The following SPOCK1 variants were observed in gnomAD, a reference collection of about 807,000 sequenced individuals.
The protein encoded by SPOCK1 is testican-1.
SPOCK1 carries 23 observed loss-of-function variants against 55.3 expected under a neutral mutation model. That is an observed-to-expected ratio of 0.42 (90% CI 0.30 to 0.59). The LOEUF is 0.59. SPOCK1 is among the 20% of genes least tolerant of loss of function. SPOCK1 has a pLI of 0.22. For synonymous variants in SPOCK1, 226 were observed against 221.0 expected (o/e 1.02, Z -0.20); for missense variants, 499 against 552.5 (o/e 0.90, Z 0.97).
At chr5:137,451,405 C>T (rs1753252626) in intron 2 of SPOCK1, among the ~76,000 whole-genome samples, 1 of 152,208 alleles carries the variant, frequency 6.6e-6, no homozygotes, top group Non-Finnish European at 1.5e-5. Flanking sequence ...AATCACAGTG[C>T]TATTTACAAT....
chr5:137,442,313 T>G (rs1402204598), intron 2 of SPOCK1, among the ~76,000 whole-genome samples: 1 of 152,212 alleles, frequency 6.6e-6, no homozygotes, highest in Non-Finnish European at 1.5e-5. Flanking sequence ...AAGGAGGCTC[T>G]GACTTGGATA....
chr5:137,491,671 C>A (rs1383227375), intron 2 of SPOCK1, among the ~76,000 whole-genome samples: 2 of 152,234 alleles, frequency 1.3e-5, no homozygotes, highest in East Asian at 3.9e-4. Context: ...TATGTGTGAC[C>A]CTGAGAATTT....
intron 5 of SPOCK1, among the ~76,000 whole-genome samples, chr5:137,071,617 C>T (rs989788649): frequency 6.6e-6 from 1 of 152,136 alleles, no homozygotes; most frequent in Non-Finnish European, 1.5e-5. Flanking sequence ...TGTTTATAGG[C>T]TCCTATGGAG....
chr5:137,443,686 C>G (rs1422465880), intron 2 of SPOCK1, among the ~76,000 whole-genome samples: 2 of 152,202 alleles, frequency 1.3e-5, no homozygotes, highest in Admixed American at 1.3e-4. Context: ...CCTCTCCAGA[C>G]AGCCATGGGT....
At chr5:137,093,598 AT>A (rs1472575770) in intron 5 of SPOCK1, among the ~76,000 whole-genome samples, 1 of 152,188 alleles carries the variant, frequency 6.6e-6, no homozygotes, top group Non-Finnish European at 1.5e-5. Context: ...CCAGAAAGTA[AT>A]GAGGGGAAGA....
At chr5:137,260,922 T>C (rs1756732916) in intron 3 of SPOCK1, among the ~76,000 whole-genome samples, 1 of 152,154 alleles carries the variant, frequency 6.6e-6, no homozygotes, top group South Asian at 2.1e-4. Context: ...CAGGTTAATG[T>C]GAATAAGATG....
intron 2 of SPOCK1, among the ~76,000 whole-genome samples, chr5:137,445,320 T>C (rs1753100843): frequency 6.6e-6 from 1 of 152,222 alleles, no homozygotes; most frequent in African/African-American, 2.4e-5. Context: ...AAAATGCTAT[T>C]CACATTGCAT....
At chr5:137,411,872 C>A (rs1752214486) in intron 2 of SPOCK1, among the ~76,000 whole-genome samples, 1 of 151,936 alleles carries the variant, frequency 6.6e-6, no homozygotes, top group East Asian at 1.9e-4. Context: ...ATTTAAAAAT[C>A]TATTTAGACC....
intron 2 of SPOCK1, among the ~76,000 whole-genome samples, chr5:137,302,624 A>C (rs1026428479): frequency 5.7e-5 from 8 of 140,266 alleles, no homozygotes; most frequent in African/African-American, 1.6e-4. Context: ...ATAAATAAAT[A>C]AATCAGTTTT....
Position 137,158,059 on chromosome 5 carries a change from T to TC in SPOCK1, c.233-17366dup, listed in dbSNP as rs924520538. On this transcript the variant is annotated intron_variant, in intron 3 of 10. Coordinates refer to ENST00000394945, the MANE Select transcript of SPOCK1 (RefSeq NM_004598.4). ...CCTAGGCAGCAAGAGGGAGACTCCA[T>TC]CCCCCCAAAAAAAAGAAAACTTGCC... Among the ~76,000 whole-genome samples the TC allele has an allele frequency of 2.0e-5, 3 of 152,000 alleles. No homozygotes were observed. The South Asian group carries it at 6.2e-4, about 32-fold the overall frequency.
chr5:137,122,251 A>ACACGCGCG (rs1191010455), intron 4 of SPOCK1, among the ~76,000 whole-genome samples: 2 of 114,744 alleles, frequency 1.7e-5, no homozygotes, highest in African/African-American at 8.8e-5. Flanking sequence ...ACACACACAC[A>ACACGCGCG]CACACGCACA....
intron 2 of SPOCK1, among the ~76,000 whole-genome samples, chr5:137,294,895 G>T (rs1248894994): frequency 1.3e-5 from 2 of 152,180 alleles, no homozygotes; most frequent in East Asian, 3.9e-4. Flanking sequence ...CTGCCCAGCT[G>T]CCCTTTACAA....
chr5:137,335,036 G>C (rs1750217625), intron 2 of SPOCK1, among the ~76,000 whole-genome samples: 2 of 152,330 alleles, frequency 1.3e-5, no homozygotes, highest in South Asian at 4.1e-4. Context: ...ACAGAAGGCG[G>C]ACCAGCAGTT....
chr5:137,064,150 T>C (rs1048135303), intron 6 of SPOCK1, among the ~76,000 whole-genome samples: 3 of 151,746 alleles, frequency 2.0e-5, no homozygotes, highest in African/African-American at 7.3e-5. Context: ...AAGAACTCCA[T>C]CCAAGGGGAT....
intron 2 of SPOCK1, among the ~76,000 whole-genome samples, chr5:137,338,577 C>T (rs1408574854): frequency 2.6e-5 from 4 of 151,818 alleles, no homozygotes; most frequent in African/African-American, 9.7e-5. Flanking sequence ...AGTTCTAGAT[C>T]CCTGAGGAAT....
At chr5:137,485,508 T>C (rs1292629375) in intron 2 of SPOCK1, among the ~76,000 whole-genome samples, 1 of 152,206 alleles carries the variant, frequency 6.6e-6, no homozygotes, top group East Asian at 1.9e-4. Context: ...GTTAACTGCA[T>C]CTCTTTAAGT....
intron 2 of SPOCK1, among the ~76,000 whole-genome samples, chr5:137,300,502 TTA>T (rs1262769232): frequency 6.6e-6 from 1 of 152,206 alleles, no homozygotes; most frequent in African/African-American, 2.4e-5. Context: ...AAAATAATTT[TTA>T]TTTTTATGTT....
intron 5 of SPOCK1, among the ~76,000 whole-genome samples, chr5:137,099,985 G>A (rs1339236527): frequency 1.3e-5 from 2 of 152,088 alleles, no homozygotes; most frequent in African/African-American, 4.8e-5. Flanking sequence ...CTTACATCTT[G>A]CAAGCTCAAC....
chr5:137,039,415 T>C (rs1580720209), intron 6 of SPOCK1, among the ~76,000 whole-genome samples: 1 of 151,914 alleles, frequency 6.6e-6, no homozygotes, highest in Non-Finnish European at 1.5e-5. Flanking sequence ...TCAATGCCCA[T>C]GTTCATGCTA....
Sources: gnomAD v4.1 joint callset for allele counts (sites outside exome capture counted in the v4.1 genomes callset) on GRCh38, gnomAD v4.1.1 for gene constraint, MANE v1.5 for transcripts, NCBI Gene and HGNC (gene_info 2026-07-23, HGNC 2026-07-21) for gene names.